ADAMTS3: variants seen among roughly 807,000 people sequenced by gnomAD.
ADAMTS3 encodes the protein ADAM metallopeptidase with thrombospondin type 1 motif 3.
A neutral mutation model predicts 129.0 loss-of-function variants in ADAMTS3; 73 were observed. That is an observed-to-expected ratio of 0.57 (90% CI 0.47 to 0.69). The LOEUF (loss-of-function observed/expected upper bound fraction) is 0.69, where lower values mean the gene tolerates loss of function less well. Among genes scored for constraint, ADAMTS3 ranks in the 30% least tolerant of loss-of-function variants. The probability of loss-of-function intolerance (pLI) is 0.00; values close to 1 mark genes in which losing one functional copy is unlikely to be tolerated. For missense variants in ADAMTS3, 1,457 were observed against 1,514.5 expected, an observed-to-expected ratio of 0.96 and a Z score of 0.63; for synonymous variants, 477 against 510.8, an observed-to-expected ratio of 0.93 and a Z score of 0.89.
chr4:72,528,294 A>G (rs969900414), intron 3 of ADAMTS3, among the ~76,000 whole-genome samples: 1 of 152,060 alleles, frequency 6.6e-6, no homozygotes, highest in Non-Finnish European at 1.5e-5. Flanking sequence ...GACACACTAT[A>G]TATCTACTAT....
chr4:72,321,377 T>A (rs1560471939), intron 6 of ADAMTS3, among the ~76,000 whole-genome samples: 1 of 151,884 alleles, frequency 6.6e-6, no homozygotes, highest in Non-Finnish European at 1.5e-5. Context: ...GAGATGGGGT[T>A]TCACCATGTT....
intron 3 of ADAMTS3, among the ~76,000 whole-genome samples, chr4:72,541,812 G>A (rs895475507): frequency 1.3e-5 from 2 of 152,130 alleles, no homozygotes; most frequent in African/African-American, 4.8e-5. Flanking sequence ...CTAGCCATGT[G>A]GAACTGTGAG....
intron 2 of ADAMTS3, among the ~76,000 whole-genome samples, chr4:72,555,310 T>G (rs559134910): frequency 2.0e-4 from 30 of 151,908 alleles, no homozygotes; most frequent in South Asian, 4.2e-4. Context: ...TACTGAAATA[T>G]TCTGTCTAAT....
chr4:72,522,368 T>A (rs1720697098), intron 3 of ADAMTS3, among the ~76,000 whole-genome samples: 1 of 152,294 alleles, frequency 6.6e-6, no homozygotes, highest in Non-Finnish European at 1.5e-5. Context: ...AACTTACTTT[T>A]CACTTCCATG....
chr4:72,444,110 T>C (rs1227794433), intron 3 of ADAMTS3, among the ~76,000 whole-genome samples: 2 of 151,814 alleles, frequency 1.3e-5, no homozygotes, highest in African/African-American at 2.4e-5. Flanking sequence ...ATTATGTGTG[T>C]GTCTGTGCAC....
chr4:72,567,692 G>C (rs1722052703), intron 1 of ADAMTS3, among the ~76,000 whole-genome samples: 1 of 152,126 alleles, frequency 6.6e-6, no homozygotes, highest in African/African-American at 2.4e-5. Context: ...TGTCGTACTG[G>C]GTCTGGATTA....
chr4:72,297,848 T>G (rs1440092657), intron 18 of ADAMTS3, among the ~76,000 whole-genome samples: 1 of 152,150 alleles, frequency 6.6e-6, no homozygotes, highest in Admixed American at 6.6e-5. Flanking sequence ...TGGTTTCAAA[T>G]ACATAGCATA....
chr4:72,426,714 T>C (rs1220131548), intron 3 of ADAMTS3, among the ~76,000 whole-genome samples: 1 of 152,022 alleles, frequency 6.6e-6, no homozygotes, highest in Non-Finnish European at 1.5e-5. Flanking sequence ...AGTGAGGCCC[T>C]GTCTCTACAA....
rs142268705 is a variant in ADAMTS3 at position 72,319,958 on chromosome 4, C to G, written c.1108G>C (p.Ala370Pro). The change falls in exon 8 of 22, where the codon GCT becomes CCT. Residue 370 changes from alanine (A) to proline (P), a missense_variant. Physicochemically the swap from Ala to Pro is conservative, Grantham distance 27. Coordinates refer to ENST00000286657, the MANE Select transcript of ADAMTS3 (RefSeq NM_014243.3). Reference sequence around the variant, plus strand: ...GGATGACACATGCCGGTGACTGGAGCATATCCTGTAGAGAATAACAATTAC... The same window carrying G: ...GGATGACACATGCCGGTGACTGGAGGATATCCTGTAGAGAATAACAATTAC... ...DFGPAGMQGYAPVTGMCHPVR... is the reference protein window; with the variant it reads ...DFGPAGMQGYPPVTGMCHPVR... 6.2e-7 allele frequency: 1 copy of G among 1,610,220 alleles called. No individual in the cohort carries two copies. The highest frequency in any genetic ancestry group is 1.7e-5 in the Admixed American group (1 of 59,992).
intron 4 of ADAMTS3, among the ~76,000 whole-genome samples, chr4:72,378,613 A>T (rs776737261): frequency 3.7e-4 from 56 of 152,226 alleles, no homozygotes; most frequent in South Asian, 8.3e-4. Flanking sequence ...ATCACTGTAT[A>T]TGATGTTTCC....
intron 3 of ADAMTS3, among the ~76,000 whole-genome samples, chr4:72,457,794 T>C (rs190823261): frequency 0.01 from 1,545 of 151,740 alleles, 31 homozygotes; most frequent in Non-Finnish European, 9.8e-3. Context: ...AACTACTAAG[T>C]TTTATCCTTA....
intron 2 of ADAMTS3, among the ~76,000 whole-genome samples, chr4:72,557,093 G>T (rs1211784922): frequency 6.6e-6 from 1 of 151,780 alleles, no homozygotes; most frequent in African/African-American, 2.4e-5. Flanking sequence ...GTTCACACAG[G>T]CAATTTCTTT....
chr4:72,426,179 T>G (rs1282724307), intron 3 of ADAMTS3, among the ~76,000 whole-genome samples: 4 of 152,018 alleles, frequency 2.6e-5, no homozygotes, highest in Non-Finnish European at 5.9e-5. Flanking sequence ...GTTGATGGTG[T>G]TGTTTGTTTT....
intron 4 of ADAMTS3, among the ~76,000 whole-genome samples, chr4:72,389,193 C>A (rs534084021): frequency 2.0e-5 from 3 of 152,114 alleles, no homozygotes; most frequent in Non-Finnish European, 4.4e-5. Flanking sequence ...TGCAAGGAGG[C>A]CTTTCCGAGG....
chr4:72,531,468 G>C (rs552079508), intron 3 of ADAMTS3, among the ~76,000 whole-genome samples: 1 of 152,264 alleles, frequency 6.6e-6, no homozygotes, highest in Admixed American at 6.5e-5. Flanking sequence ...TCATCACTGG[G>C]TATTTGAAGC....
intron 3 of ADAMTS3, among the ~76,000 whole-genome samples, chr4:72,518,189 G>T (rs570663017): frequency 6.6e-6 from 1 of 152,210 alleles, no homozygotes; most frequent in African/African-American, 2.4e-5. Context: ...TGATTGCACT[G>T]TGGTCTGAGA....
chr4:72,328,834 C>T (rs892396341), intron 5 of ADAMTS3, among the ~76,000 whole-genome samples: 6 of 152,164 alleles, frequency 3.9e-5, no homozygotes, highest in Admixed American at 3.3e-4. Flanking sequence ...GTGATTCTGG[C>T]TAGATATAAA....
At chr4:72,549,991 AGAGGAAGAG>A (rs1189942411) in intron 2 of ADAMTS3, among the ~76,000 whole-genome samples, 10,232 of 24,170 alleles carry the variant, frequency 0.42, 2,810 homozygotes, top group African/African-American at 0.61. Flanking sequence ...AAGAAGAAGA[AGAGGAAGAG>A]GAAGAAGAAG....
chr4:72,510,594 C>T (rs1720286056), intron 3 of ADAMTS3, among the ~76,000 whole-genome samples: 1 of 151,626 alleles, frequency 6.6e-6, no homozygotes, highest in African/African-American at 2.4e-5. Flanking sequence ...CTATAAAACA[C>T]TGATGAAATA....
Sources: allele counts gnomAD v4.1 joint callset (sites outside exome capture counted in the v4.1 genomes callset), GRCh38; gene constraint gnomAD v4.1.1; transcripts MANE v1.5; gene names NCBI Gene and HGNC (gene_info 2026-07-23, HGNC 2026-07-21).